NYAP2: variants seen among roughly 807,000 people sequenced by gnomAD.
NYAP2 encodes the protein neuronal tyrosine-phosphorylated phosphoinositide-3-kinase adapter 2.
Under a neutral mutation model 50.4 loss-of-function variants are expected in NYAP2, and 23 were observed. The observed-to-expected ratio is 0.46, with a 90% CI of 0.33 to 0.65. The LOEUF is 0.65. Among genes scored for constraint, NYAP2 ranks in the 30% least tolerant of loss-of-function variants. The probability of loss-of-function intolerance (pLI) is 0.02; values close to 1 mark genes in which losing one functional copy is unlikely to be tolerated. For synonymous variants in NYAP2, 394 were observed against 365.2 expected (o/e 1.08, Z -0.90); for missense variants, 885 against 861.0 (o/e 1.03, Z -0.35).
At chr2:225,616,192 A>C (rs1692986679) in intron 5 of NYAP2, among the ~76,000 whole-genome samples, 1 of 152,198 alleles carries the variant, frequency 6.6e-6, no homozygotes, top group African/African-American at 2.4e-5. Flanking sequence ...AAACCATGGA[A>C]TCTCCAAATG....
intron 5 of NYAP2, among the ~76,000 whole-genome samples, chr2:225,612,688 A>G (rs1405810490): frequency 1.4e-5 from 2 of 140,646 alleles, no homozygotes; most frequent in Non-Finnish European, 3.2e-5. Context: ...GCAGACAGAG[A>G]AAGCACTGCT....
intron 4 of NYAP2, among the ~76,000 whole-genome samples, chr2:225,580,567 C>A (rs901139739): frequency 1.3e-5 from 2 of 152,148 alleles, no homozygotes; most frequent in African/African-American, 4.8e-5. Flanking sequence ...AAACCATCAT[C>A]ATAGGCACAT....
At chr2:225,585,455 T>C (rs940856600) in intron 5 of NYAP2, among the ~76,000 whole-genome samples, 2 of 152,246 alleles carry the variant, frequency 1.3e-5, no homozygotes, top group Non-Finnish European at 2.9e-5. Context: ...CGTGTATATG[T>C]CACAGACTTT....
chr2:225,605,139 C>T (rs6754048), intron 5 of NYAP2, among the ~76,000 whole-genome samples: 94,484 of 151,908 alleles, frequency 0.62, 30,070 homozygotes, highest in South Asian at 0.8. Flanking sequence ...ATATTTTTCT[C>T]CCCATGCATT....
At chr2:225,444,923 A>T (rs547291227) in intron 3 of NYAP2, among the ~76,000 whole-genome samples, 2 of 152,316 alleles carry the variant, frequency 1.3e-5, no homozygotes, top group East Asian at 3.9e-4. Context: ...AATCTGAAAC[A>T]CTTTTCTCCC....
At chr2:225,574,579 G>C (rs994209432) in intron 4 of NYAP2, among the ~76,000 whole-genome samples, 1 of 152,138 alleles carries the variant, frequency 6.6e-6, no homozygotes, top group East Asian at 1.9e-4. Flanking sequence ...GGCCCAAAGT[G>C]TTTTTTCATT....
intron 3 of NYAP2, among the ~76,000 whole-genome samples, chr2:225,498,487 T>C (rs1033432135): frequency 6.6e-6 from 1 of 152,104 alleles, no homozygotes; most frequent in Non-Finnish European, 1.5e-5. Flanking sequence ...CTTAAATTCC[T>C]TACAGAGGAA....
chr2:225,446,742 AC>A (rs1440495454), intron 3 of NYAP2, among the ~76,000 whole-genome samples: 1 of 152,142 alleles, frequency 6.6e-6, no homozygotes, highest in South Asian at 2.1e-4. Flanking sequence ...AAGTAGTAAA[AC>A]AGTCTGTAAA....
At chr2:225,505,674 G>A (rs1166783782) in intron 3 of NYAP2, among the ~76,000 whole-genome samples, 1 of 152,160 alleles carries the variant, frequency 6.6e-6, no homozygotes, top group East Asian at 1.9e-4. Flanking sequence ...CTCTTATTTA[G>A]TAACTACTGT....
chr2:225,516,012 C>T (rs995157616), intron 4 of NYAP2, among the ~76,000 whole-genome samples: 9 of 152,130 alleles, frequency 5.9e-5, no homozygotes, highest in East Asian at 1.9e-4. Flanking sequence ...GTGTAAAATA[C>T]ACTCAGAATA....
intron 3 of NYAP2, among the ~76,000 whole-genome samples, chr2:225,495,654 G>C (rs1156328714): frequency 6.6e-6 from 1 of 152,096 alleles, no homozygotes; most frequent in African/African-American, 2.4e-5. Context: ...TAATAAATCA[G>C]ATATTTGTGA....
At chr2:225,614,294 T>C (rs1407003038) in intron 5 of NYAP2, among the ~76,000 whole-genome samples, 1 of 152,216 alleles carries the variant, frequency 6.6e-6, no homozygotes, top group Non-Finnish European at 1.5e-5. Context: ...TTTATGAACA[T>C]TTTAAAATAA....
intron 3 of NYAP2, among the ~76,000 whole-genome samples, chr2:225,444,407 A>G (rs1196987504): frequency 6.6e-6 from 1 of 152,204 alleles, no homozygotes; most frequent in Non-Finnish European, 1.5e-5. Context: ...CATGATGCAG[A>G]CTGAAGTGTT....
intron 3 of NYAP2, among the ~76,000 whole-genome samples, chr2:225,435,541 T>C (rs1293202815): frequency 6.6e-6 from 1 of 152,360 alleles, no homozygotes; most frequent in Middle Eastern, 3.4e-3. Context: ...CATGCCTGTA[T>C]CTACAGTCTG....
chr2:225,651,964 G>A, exon 7 of NYAP2: 1 of 168,646 alleles, frequency 5.9e-6, no homozygotes, highest in South Asian at 1.6e-4. Context: ...CTTTTTAAAT[G>A]TTTTGTCCAG....
At chr2:225,517,716 T>C (rs1368110818) in intron 4 of NYAP2, among the ~76,000 whole-genome samples, 1 of 152,106 alleles carries the variant, frequency 6.6e-6, no homozygotes, top group Non-Finnish European at 1.5e-5. Context: ...CTGAATAACA[T>C]GAAATTTTGG....
the NYAP2 span, among the ~76,000 whole-genome samples, chr2:225,694,430 A>G: frequency 6.6e-6 from 1 of 151,942 alleles, no homozygotes; most frequent in African/African-American, 2.4e-5. Flanking sequence ...TATTTATTAT[A>G]TCCAAAACAA....
intron 4 of NYAP2, among the ~76,000 whole-genome samples, chr2:225,546,852 C>G (rs968649350): frequency 6.6e-6 from 1 of 152,170 alleles, no homozygotes; most frequent in African/African-American, 2.4e-5. Flanking sequence ...CCTGTTCTAC[C>G]TGCACATTGC....
intron 4 of NYAP2, among the ~76,000 whole-genome samples, chr2:225,576,619 A>G (rs1692174092): frequency 6.6e-6 from 1 of 152,206 alleles, no homozygotes; most frequent in Non-Finnish European, 1.5e-5. Flanking sequence ...ATGGATTCAC[A>G]TTTTCCTGCT....
Sources: allele counts gnomAD v4.1 joint callset (sites outside exome capture counted in the v4.1 genomes callset), GRCh38; gene constraint gnomAD v4.1.1; transcripts MANE v1.5; gene names NCBI Gene and HGNC (gene_info 2026-07-23, HGNC 2026-07-21).